Variants in SH3GL2 observed in about 807,000 individuals in gnomAD.
The protein encoded by SH3GL2 is endophilin-A1.
In SH3GL2, 24 loss-of-function variants were observed where a neutral mutation model predicts 46.0. That is an observed-to-expected ratio of 0.52 (90% CI 0.38 to 0.73). The LOEUF is 0.73. Ranked by LOEUF, SH3GL2 falls within the 30% of genes least tolerant of loss-of-function variation. The probability of loss-of-function intolerance (pLI) is 0.00; values close to 1 mark genes in which losing one functional copy is unlikely to be tolerated. For synonymous variants in SH3GL2, 196 were observed against 147.1 expected, an observed-to-expected ratio of 1.33 and a Z score of -2.40; for missense variants, 413 against 424.2, an observed-to-expected ratio of 0.97 and a Z score of 0.23.
Position 17,774,291 on chromosome 9 carries a change from C to T in SH3GL2, c.188-12090C>T, listed in dbSNP as rs949027054. Among the ~76,000 whole-genome samples, 7 of 152,084 alleles carry T rather than the reference C, an allele frequency of 4.6e-5. No individual in the cohort carries two copies. In the East Asian group the frequency reaches 1.4e-3, roughly 29 times the overall value. On this transcript the variant is annotated intron_variant, in intron 3 of 8. Coordinates refer to ENST00000380607, the MANE Select transcript of SH3GL2 (RefSeq NM_003026.5). Reference sequence around the variant, plus strand: ...TCCAATTTGGATTCCTTTTTCTTACCAAATTGCCCTGGCCAGAACTTTCAG... The same window carrying T: ...TCCAATTTGGATTCCTTTTTCTTACTAAATTGCCCTGGCCAGAACTTTCAG...
chr9:17,622,708 T>A (rs561537182), intron 1 of SH3GL2, among the ~76,000 whole-genome samples: 18 of 152,288 alleles, frequency 1.2e-4, no homozygotes, highest in African/African-American at 4.3e-4. Flanking sequence ...AGTGGGCTGG[T>A]AGGTAGGTGC....
rs375758455 is a variant in SH3GL2, at chr9:17,732,897, G to A, written c.46-14169G>A. Among the ~76,000 whole-genome samples, 3 of 152,048 alleles carry A rather than the reference G, an allele frequency of 2.0e-5. No homozygotes were observed. In the South Asian group the frequency reaches 6.2e-4, roughly 32 times the overall value. On this transcript the variant is annotated intron_variant, in intron 1 of 8. Coordinates refer to ENST00000380607, the MANE Select transcript of SH3GL2 (RefSeq NM_003026.5). ...AGCCAACCCAAATAGATCCTTTCCT[G>A]GGAACAGAAGTTTGAGTGGGTTTGG...
intron 1 of SH3GL2, among the ~76,000 whole-genome samples, chr9:17,728,867 G>A (rs1052617355): frequency 4.6e-5 from 7 of 152,030 alleles, no homozygotes; most frequent in Non-Finnish European, 8.8e-5. Context: ...TCTTTATCCA[G>A]TCTATCATTG....
chr9:17,790,293 A>T (rs1824086500), intron 6 of SH3GL2: 1 of 235,838 alleles, frequency 4.2e-6, no homozygotes, highest in Non-Finnish European at 6.9e-6. Context: ...CTCCTCTGGA[A>T]ACACCCTAAC....
intron 1 of SH3GL2, among the ~76,000 whole-genome samples, chr9:17,720,803 C>T (rs553619962): frequency 6.6e-6 from 1 of 152,252 alleles, no homozygotes; most frequent in African/African-American, 2.4e-5. Flanking sequence ...AGATGCATAC[C>T]TATCTAAACT....
At chr9:17,613,671 GC>G (rs1233948574) in intron 1 of SH3GL2, among the ~76,000 whole-genome samples, 1 of 152,162 alleles carries the variant, frequency 6.6e-6, no homozygotes, top group African/African-American at 2.4e-5. Context: ...TCTTGGTTTG[GC>G]TCTTGGGCTC....
At chr9:17,648,573 GC>G (rs1296822719) in intron 1 of SH3GL2, among the ~76,000 whole-genome samples, 2 of 152,104 alleles carry the variant, frequency 1.3e-5, no homozygotes, top group Non-Finnish European at 2.9e-5. Context: ...AAGGAGGGTT[GC>G]CTTTGAATAT....
At chr9:17,586,514 A>G (rs962744261) in intron 1 of SH3GL2, among the ~76,000 whole-genome samples, 1 of 152,204 alleles carries the variant, frequency 6.6e-6, no homozygotes, top group Non-Finnish European at 1.5e-5. Flanking sequence ...TCATGTTGCT[A>G]ATAAAGGCAT....
intron 5 of SH3GL2, among the ~76,000 whole-genome samples, chr9:17,787,899 A>T (rs573070819): frequency 6.6e-6 from 1 of 152,306 alleles, no homozygotes; most frequent in East Asian, 1.9e-4. Flanking sequence ...ATAAATAGTT[A>T]TTCTATCACT....
intron 1 of SH3GL2, among the ~76,000 whole-genome samples, chr9:17,724,315 C>G (rs1821969034): frequency 6.6e-6 from 1 of 152,008 alleles, no homozygotes; most frequent in Non-Finnish European, 1.5e-5. Context: ...TTCAAGAGTC[C>G]CATTTGACTC....
Position 17,747,132 on chromosome 9 carries a change from A to G in SH3GL2, c.112A>G (p.Arg38Gly). 1.3e-6 allele frequency: 2 copies of G among 1,598,778 alleles called. No homozygotes were observed. Among genetic ancestry groups the G allele is most frequent in the Non-Finnish European group, 1.7e-6 (2 of 1,166,504 alleles). ...KLDDDFKEME[R>G]KVDVTSRAVM... ...AGATGATGACTTCAAAGAGATGGAAAGGGTAAGCCTTCACTACTGCCTAGT... is the reference window on the plus strand; with the variant it reads ...AGATGATGACTTCAAAGAGATGGAAGGGGTAAGCCTTCACTACTGCCTAGT... Residue 38 changes from arginine (R) to glycine (G), a missense_variant and splice_region_variant, in exon 2 of 9, where the codon AGG becomes GGG. Physicochemically the swap from Arg to Gly is moderately radical, Grantham distance 125 (BLOSUM62 -2). This residue lies in a region of SH3GL2 where 160 missense variants were observed against 192.3 expected (regional missense o/e 0.83). Transcript: ENST00000380607.
At chr9:17,604,977 A>AT (rs138726944) in intron 1 of SH3GL2, among the ~76,000 whole-genome samples, 14,426 of 137,392 alleles carry the variant, frequency 0.1, 2,564 homozygotes, top group African/African-American at 0.37. Flanking sequence ...TTCACAAGTC[A>AT]TTTTTTTTTT....
Position 17,654,486 on chromosome 9 carries a change from A to G in SH3GL2, c.45+75199A>G, listed in dbSNP as rs1050302103. Among the ~76,000 whole-genome samples the G allele has an allele frequency of 2.6e-5, 4 of 152,256 alleles. No individual in the cohort carries two copies. In the South Asian group the frequency reaches 6.2e-4, roughly 24 times the overall value. ...GTTGGCTAGACCATTGAGAGTTTTG[A>G]TTTATTTATAGGAGAACTCTGTTCT... On this transcript the variant is annotated intron_variant, in intron 1 of 8. Transcript: ENST00000380607.
At chr9:17,635,415 T>A (rs1819520982) in intron 1 of SH3GL2, among the ~76,000 whole-genome samples, 1 of 152,202 alleles carries the variant, frequency 6.6e-6, no homozygotes, top group Admixed American at 6.5e-5. Flanking sequence ...TCCATGCAAG[T>A]TCTTAGAGAC....
At chr9:17,675,870 G>A (rs188873095) in intron 1 of SH3GL2, among the ~76,000 whole-genome samples, 5 of 152,260 alleles carry the variant, frequency 3.3e-5, no homozygotes, top group Non-Finnish European at 7.4e-5. Context: ...ACGTGAACCC[G>A]GGAGGTGGAG....
chr9:17,757,048 G>A (rs1161928570), intron 2 of SH3GL2, among the ~76,000 whole-genome samples: 2 of 152,096 alleles, frequency 1.3e-5, no homozygotes, highest in Non-Finnish European at 2.9e-5. Flanking sequence ...TCTCATTGTG[G>A]TTTTCATTTG....
rs778413580 is a variant in SH3GL2 at position 17,645,579 on chromosome 9, C to T, written c.45+66292C>T. ...TAAGGCAGGCCTGATGGTGACATAACCTCTCAGCATTTGCTTGTCTGTAAA... is the reference window on the plus strand; with the variant it reads ...TAAGGCAGGCCTGATGGTGACATAATCTCTCAGCATTTGCTTGTCTGTAAA... On this transcript the variant is annotated intron_variant, in intron 1 of 8. Transcript: ENST00000380607. Among the ~76,000 whole-genome samples the T allele has an allele frequency of 1.1e-3, 162 of 152,088 alleles. 1 individual carries two copies. Among genetic ancestry groups the T allele is most frequent in the Admixed American group, 2.2e-3 (33 of 15,252 alleles).
chr9:17,791,627 G>C (rs1026346873), intron 7 of SH3GL2, among the ~76,000 whole-genome samples: 2 of 152,206 alleles, frequency 1.3e-5, no homozygotes, highest in Non-Finnish European at 2.9e-5. Context: ...TTGCTGAGCA[G>C]TTATTCCATG....
intron 1 of SH3GL2, among the ~76,000 whole-genome samples, chr9:17,703,218 A>G (rs77167550): frequency 0.016 from 2,405 of 152,172 alleles, 80 homozygotes; most frequent in African/African-American, 0.055. Context: ...AATGATTTTA[A>G]GGATTGTATG....
Sources: allele counts gnomAD v4.1 joint callset (sites outside exome capture counted in the v4.1 genomes callset), GRCh38; gene constraint gnomAD v4.1.1; regional missense constraint gnomAD v4.1.1; transcripts MANE v1.5; gene names NCBI Gene and HGNC (gene_info 2026-07-23, HGNC 2026-07-21).